The following SNX29 variants were observed in gnomAD, a reference collection of about 807,000 sequenced individuals.
SNX29 encodes sorting nexin-29.
SNX29 carries 78 observed loss-of-function variants against 102.1 expected under a neutral mutation model. The observed-to-expected ratio is 0.76, with a 90% confidence interval of 0.64 to 0.92. The LOEUF is 0.92. Ranked by LOEUF, SNX29 falls within the 40% of genes least tolerant of loss-of-function variation. SNX29 has a pLI of 0.00. For missense variants in SNX29, 1,280 were observed against 1,061.7 expected (o/e 1.21, Z -2.86); for synonymous variants, 580 against 414.5 (o/e 1.40, Z -4.85).
intron 16 of SNX29, among the ~76,000 whole-genome samples, chr16:12,393,896 G>A (rs987409786): frequency 1.3e-5 from 2 of 152,216 alleles, no homozygotes; most frequent in Non-Finnish European, 2.9e-5. Flanking sequence ...CATGAGGTAG[G>A]CAAGGAAGAA....
At chr16:12,305,724 G>A (rs368980822) in intron 15 of SNX29, among the ~76,000 whole-genome samples, 6 of 152,102 alleles carry the variant, frequency 3.9e-5, no homozygotes, top group Admixed American at 2.0e-4. Flanking sequence ...TCCAGACTCC[G>A]AAAACTTCTG....
At chr16:12,489,021 G>A (rs2088399977) in intron 19 of SNX29, among the ~76,000 whole-genome samples, 1 of 152,108 alleles carries the variant, frequency 6.6e-6, no homozygotes, top group South Asian at 2.1e-4. Flanking sequence ...TCCTTATTTA[G>A]TCTCTCCTTC....
intron 13 of SNX29, among the ~76,000 whole-genome samples, chr16:12,185,157 G>A (rs1321430990): frequency 1.3e-5 from 2 of 152,200 alleles, no homozygotes; most frequent in South Asian, 2.1e-4. Context: ...CCCAGAGTTC[G>A]TATGCAGTAG....
At chr16:12,528,986 C>T (rs939339461) in intron 20 of SNX29, among the ~76,000 whole-genome samples, 1 of 152,242 alleles carries the variant, frequency 6.6e-6, no homozygotes, top group African/African-American at 2.4e-5. Flanking sequence ...ACACACTCTT[C>T]CATTTTTAAA....
Position 12,046,423 on chromosome 16 carries a change from A to G in SNX29, c.468A>G (p.Glu156=), listed in dbSNP as rs764185122. The G allele has an allele frequency of 1.2e-4, 195 of 1,613,756 alleles. No homozygotes were observed. The highest frequency in any genetic ancestry group is 1.6e-4 in the Middle Eastern group (1 of 6,078). Residue 156 remains glutamate (E), a synonymous_variant, in exon 6 of 21, where the codon GAA becomes GAG. Transcript: ENST00000566228. ...ACTGGTCTTTTGTGATGGATGAAGA[A>G]AGGTCCAGTATGCTTCCTACCATGG... ...YEDWSFVMDE[E]RSSMLPTMAA...
chr16:12,075,109 A>G (rs1258043690), intron 10 of SNX29, among the ~76,000 whole-genome samples: 2 of 152,064 alleles, frequency 1.3e-5, no homozygotes, highest in Non-Finnish European at 2.9e-5. Context: ...TTTGGTTTGA[A>G]TTTCCTCCTG....
At chr16:12,197,964 A>G (rs749699753) in intron 13 of SNX29, among the ~76,000 whole-genome samples, 11 of 152,146 alleles carry the variant, frequency 7.2e-5, no homozygotes, top group African/African-American at 2.4e-4. Flanking sequence ...GCTCGGCACC[A>G]GGGATGAGCA....
rs892628812 is a variant in SNX29 at position 12,460,151 on chromosome 16, C to A, written c.2038-17568C>A. 3.3e-5 allele frequency among the ~76,000 whole-genome samples: 5 copies of A among 152,176 alleles called. No homozygotes were observed. The South Asian group carries it at 1.0e-3, about 32-fold the overall frequency. On this transcript the variant is annotated intron_variant, in intron 18 of 20. Transcript: ENST00000566228. ...CTGGCTGAATCACGACCTCCCCAGCCCATTCCTTCTCACAAGAGCTGTTTT... is the reference window on the plus strand; with the variant it reads ...CTGGCTGAATCACGACCTCCCCAGCACATTCCTTCTCACAAGAGCTGTTTT...
intron 13 of SNX29, among the ~76,000 whole-genome samples, chr16:12,159,821 G>A (rs534958228): frequency 1.8e-4 from 27 of 152,286 alleles, no homozygotes; most frequent in South Asian, 8.3e-4. Context: ...GAGAGGGACA[G>A]GAAGTACAAG....
intron 1 of SNX29, among the ~76,000 whole-genome samples, chr16:11,991,729 T>C (rs1567501789): frequency 1.3e-5 from 2 of 149,842 alleles, no homozygotes; most frequent in Non-Finnish European, 3.0e-5. Context: ...TTTTTTTTTT[T>C]TTCCAGTAGA....
chr16:12,013,858 C>G (rs1456080587), intron 3 of SNX29, among the ~76,000 whole-genome samples: 1 of 151,684 alleles, frequency 6.6e-6, no homozygotes, highest in Non-Finnish European at 1.5e-5. Flanking sequence ...ACCGTGTTGC[C>G]CAGGCTGGTC....
intron 11 of SNX29, among the ~76,000 whole-genome samples, chr16:12,085,191 T>C (rs879244416): frequency 6.6e-6 from 1 of 152,210 alleles, no homozygotes; most frequent in African/African-American, 2.4e-5. Context: ...TGCCTCCTCT[T>C]CTGTCAGCTC....
intron 15 of SNX29, among the ~76,000 whole-genome samples, chr16:12,312,809 G>A (rs185463525): frequency 6.6e-6 from 1 of 152,124 alleles, no homozygotes; most frequent in African/African-American, 2.4e-5. Context: ...TGGAGATAGA[G>A]GATGTTTTAC....
intron 20 of SNX29, among the ~76,000 whole-genome samples, chr16:12,547,544 G>A (rs535491659): frequency 1.3e-5 from 2 of 152,086 alleles, no homozygotes; most frequent in Admixed American, 1.3e-4. Flanking sequence ...GAAGAACAGA[G>A]TCCTGAGCTG....
chr16:12,163,699 T>C (rs2055890953), intron 13 of SNX29, among the ~76,000 whole-genome samples: 1 of 152,100 alleles, frequency 6.6e-6, no homozygotes, highest in Non-Finnish European at 1.5e-5. Context: ...CTTGGGAGGA[T>C]TTGTATTTGT....
At chr16:12,425,553 ATAAAAAGAG>A (rs1239820715) in intron 18 of SNX29, among the ~76,000 whole-genome samples, 1,378 of 70,446 alleles carry the variant, frequency 0.02, 37 homozygotes, top group African/African-American at 0.049. Flanking sequence ...AATAAAAAAA[ATAAAAAGAG>A]GGAATAGAAA....
chr16:12,170,589 T>C (rs1471155720), intron 13 of SNX29, among the ~76,000 whole-genome samples: 2 of 151,808 alleles, frequency 1.3e-5, no homozygotes, highest in African/African-American at 2.4e-5. Flanking sequence ...AGAAGAATGC[T>C]CTGACATGGG....
chr16:12,072,919 T>G (rs899888042), intron 10 of SNX29, among the ~76,000 whole-genome samples: 1 of 152,218 alleles, frequency 6.6e-6, no homozygotes, highest in African/African-American at 2.4e-5. Context: ...TTCGAGGAAT[T>G]TATCCATTTC....
chr16:12,515,007 A>G (rs1350157070), intron 19 of SNX29, among the ~76,000 whole-genome samples: 1 of 152,234 alleles, frequency 6.6e-6, no homozygotes, highest in African/African-American at 2.4e-5. Flanking sequence ...ATGCTTAAGC[A>G]TAGGTGTGCC....
Sources: allele counts gnomAD v4.1 joint callset (sites outside exome capture counted in the v4.1 genomes callset), GRCh38; gene constraint gnomAD v4.1.1; transcripts MANE v1.5; gene names NCBI Gene and HGNC (gene_info 2026-07-23, HGNC 2026-07-21).